Variants in ZNF676 observed in about 807,000 individuals in gnomAD.
The protein encoded by ZNF676 is zinc finger protein 676.
ZNF676 carries 4 observed loss-of-function variants against 6.0 expected under a neutral mutation model. The observed-to-expected ratio is 0.67, with a 90% CI of 0.33 to 1.53. The LOEUF is 1.53. ZNF676 is among the 40% of genes most tolerant of loss of function. ZNF676 has a pLI of 0.06. For synonymous variants in ZNF676, 198 were observed against 223.1 expected (o/e 0.89, Z 1.00); for missense variants, 644 against 679.7 (o/e 0.95, Z 0.58).
the ZNF676 span, among the ~76,000 whole-genome samples, chr19:22,237,760 A>G: frequency 2.6e-5 from 4 of 152,186 alleles, no homozygotes; most frequent in African/African-American, 2.4e-5. Flanking sequence ...CAAAAAGCTC[A>G]TCAGAGTTTA....
chr19:22,217,411 C>G (rs769614579), upstream of ZNF676, among the ~76,000 whole-genome samples: 2 of 152,084 alleles, frequency 1.3e-5, no homozygotes, highest in African/African-American at 4.8e-5. Context: ...CCATGTTGGT[C>G]AGGCTTGTCT....
chr19:22,218,833 A>G (rs1409262518), upstream of ZNF676, among the ~76,000 whole-genome samples: 1 of 152,044 alleles, frequency 6.6e-6, no homozygotes, highest in Non-Finnish European at 1.5e-5. Flanking sequence ...CTATTTTTAT[A>G]CCCATACAAT....
At chr19:22,236,511 C>A in the ZNF676 span, among the ~76,000 whole-genome samples, 144 of 152,204 alleles carry the variant, frequency 9.5e-4, no homozygotes, top group African/African-American at 3.4e-3. Context: ...TGCACAGTTA[C>A]CCCATAAAAG....
chr19:22,197,227 CAGG>C (rs2023976664), upstream of ZNF676, among the ~76,000 whole-genome samples: 1 of 150,884 alleles, frequency 6.6e-6, no homozygotes, highest in Non-Finnish European at 1.5e-5. Flanking sequence ...GAGGCTGAGG[CAGG>C]AGAATTGCTT....
At chr19:22,209,738 G>A (rs1177184263) in intron 1 of ZNF676, among the ~76,000 whole-genome samples, 1 of 152,174 alleles carries the variant, frequency 6.6e-6, no homozygotes, top group East Asian at 1.9e-4. Context: ...GCCCAGGTGG[G>A]GCTGTACTCT....
the ZNF676 span, among the ~76,000 whole-genome samples, chr19:22,232,404 G>A: frequency 1.3e-5 from 2 of 152,136 alleles, no homozygotes; most frequent in African/African-American, 2.4e-5. Context: ...TTGACCTTGT[G>A]ATCTGCCTGC....
At chr19:22,251,633 C>T in the ZNF676 span, among the ~76,000 whole-genome samples, 1 of 151,812 alleles carries the variant, frequency 6.6e-6, no homozygotes, top group Non-Finnish European at 1.5e-5. Context: ...GCTAAAAATA[C>T]AAAAATTAGC....
chr19:22,198,710 A>G (rs2023996198), upstream of ZNF676, among the ~76,000 whole-genome samples: 1 of 152,202 alleles, frequency 6.6e-6, no homozygotes, highest in Non-Finnish European at 1.5e-5. Context: ...TGTCCTTTAT[A>G]GCAGAAGAGA....
the ZNF676 span, among the ~76,000 whole-genome samples, chr19:22,225,116 A>AT: frequency 6.6e-6 from 1 of 152,184 alleles, no homozygotes; most frequent in South Asian, 2.1e-4. Flanking sequence ...ACAACTGCCC[A>AT]TTTTACCCTC....
chr19:22,245,509 C>T, the ZNF676 span, among the ~76,000 whole-genome samples: 1 of 145,022 alleles, frequency 6.9e-6, no homozygotes, highest in Non-Finnish European at 1.5e-5. Flanking sequence ...ACAATGCCCC[C>T]CCCCCCACCC....
At chr19:22,242,845 G>C in the ZNF676 span, among the ~76,000 whole-genome samples, 408 of 124,788 alleles carry the variant, frequency 3.3e-3, 1 homozygote, top group Non-Finnish European at 4.9e-3. Flanking sequence ...ACCCAAGTTG[G>C]GGGGGGGCTC....
the ZNF676 span, among the ~76,000 whole-genome samples, chr19:22,234,962 G>GAGAAAGAAAGAAAGAAAGAAAGAA: frequency 2.0e-5 from 2 of 101,346 alleles, no homozygotes; most frequent in Non-Finnish European, 1.9e-5. Flanking sequence ...AAGAAAGCAA[G>GAGAAAGAAAGAAAGAAAGAAAGAA]AGAAAGAAAG....
the ZNF676 span, among the ~76,000 whole-genome samples, chr19:22,235,235 AT>A: frequency 1.3e-5 from 2 of 152,090 alleles, no homozygotes; most frequent in African/African-American, 4.8e-5. Flanking sequence ...TAGCATCTTT[AT>A]TTTTCACCGA....
At position 22,180,235 on chromosome 19, in the gene ZNF676, T is replaced by C; in HGVS notation, c.1482A>G (p.Lys494=). 2 of 1,613,786 alleles carry C rather than the reference T, an allele frequency of 1.2e-6. No homozygotes were observed. Among genetic ancestry groups the C allele is most frequent in the Non-Finnish European group, 1.7e-6 (2 of 1,179,878 alleles). ...TCTCTCCAGTATGAATTATCTTATG[T>C]TTAGTAAGGATTGAGAACGTACTAA... The part of the protein sequence containing the change: ...KGFSTFSILT[K]HKIIHTGEKR... The change falls in exon 3 of 3, where the codon AAA becomes AAG. Residue 494 remains lysine (K), a synonymous_variant. Coordinates refer to ENST00000397121, the MANE Select transcript of ZNF676 (RefSeq NM_001001411.3).
chr19:22,199,685 G>C (rs1045482268), upstream of ZNF676, among the ~76,000 whole-genome samples: 11 of 152,174 alleles, frequency 7.2e-5, no homozygotes, highest in African/African-American at 2.7e-4. Context: ...GATGGAAAGA[G>C]CTTAATAAAA....
Position 22,181,168 on chromosome 19 carries a change from G to T in ZNF676, c.549C>A (p.Thr183=). The T allele has an allele frequency of 6.2e-7, 1 of 1,613,912 alleles. No individual in the cohort carries two copies. The highest frequency in any genetic ancestry group is 8.5e-7 in the Non-Finnish European group (1 of 1,179,930). ...ENGKAFNWSS[T]LTYYKSIHTG... The stretch of plus-strand genomic sequence containing the variant: ...TATGAATACTCTTATAATAAGTAAG[G>T]GTTGAGGACCAGTTAAAAGCTTTGC... The change falls in exon 3 of 3, where the codon ACC becomes ACA. Residue 183 remains threonine (T), a synonymous_variant. Coordinates refer to ENST00000397121, the MANE Select transcript of ZNF676 (RefSeq NM_001001411.3).
chr19:22,220,871 C>A, the ZNF676 span, among the ~76,000 whole-genome samples: 75 of 152,108 alleles, frequency 4.9e-4, 1 homozygote, highest in African/African-American at 1.7e-3. Context: ...TTATCAAACT[C>A]CTCTAGGTTT....
chr19:22,196,676 C>T lies in ZNF676; in HGVS notation c.-43G>A. The T allele has an allele frequency of 1.9e-6, 3 of 1,613,176 alleles. No homozygotes were observed. The highest frequency in any genetic ancestry group is 2.5e-6 in the Non-Finnish European group (3 of 1,179,280). On this transcript the variant is annotated 5_prime_UTR_variant, in exon 1 of 3. Coordinates refer to ENST00000397121, the MANE Select transcript of ZNF676 (RefSeq NM_001001411.3). ...TCTGCTGTGTAGAATCCAGGCATTG[C>T]CACTCCTCCAGAGAGAATTCTATGG...
At chr19:22,225,670 A>G in the ZNF676 span, among the ~76,000 whole-genome samples, 1 of 152,108 alleles carries the variant, frequency 6.6e-6, no homozygotes, top group African/African-American at 2.4e-5. Context: ...TTTGTATTTC[A>G]CTGTGATATT....
Sources: allele counts gnomAD v4.1 joint callset (sites outside exome capture counted in the v4.1 genomes callset), GRCh38; gene constraint gnomAD v4.1.1; transcripts MANE v1.5; gene names NCBI Gene and HGNC (gene_info 2026-07-23, HGNC 2026-07-21).